The following SUSD4 variants were observed in gnomAD, a reference collection of about 807,000 sequenced individuals.
SUSD4 encodes sushi domain containing 4.
Under a neutral mutation model 50.5 loss-of-function variants are expected in SUSD4, and 41 were observed. The ratio of observed to expected loss-of-function variants is 0.81; its 90% CI spans 0.63 to 1.05. The LOEUF (loss-of-function observed/expected upper bound fraction) is 1.05, where lower values mean the gene tolerates loss of function less well. Among genes scored for constraint, SUSD4 ranks in the 50% least tolerant of loss-of-function variants. The pLI, the probability that SUSD4 is intolerant of heterozygous loss-of-function variation, is 0.00. For missense variants in SUSD4, 580 were observed against 634.7 expected, an observed-to-expected ratio of 0.91 and a Z score of 0.93; for synonymous variants, 257 against 257.3, an observed-to-expected ratio of 1.00 and a Z score of 0.01.
intron 2 of SUSD4, among the ~76,000 whole-genome samples, chr1:223,358,489 A>G (rs552531304): frequency 6.6e-6 from 1 of 152,332 alleles, no homozygotes; most frequent in Admixed American, 6.5e-5. Flanking sequence ...TTCCCATCTA[A>G]AGGCAAGCCT....
intron 2 of SUSD4, among the ~76,000 whole-genome samples, chr1:223,359,341 T>C (rs1327793837): frequency 1.3e-5 from 2 of 152,178 alleles, no homozygotes; most frequent in Non-Finnish European, 2.9e-5. Context: ...TTCTGCTCCC[T>C]GAAGGGTCCA....
At chr1:223,308,398 T>C (rs369819325) in intron 2 of SUSD4, among the ~76,000 whole-genome samples, 4 of 152,124 alleles carry the variant, frequency 2.6e-5, no homozygotes, top group South Asian at 2.1e-4. Context: ...TCCACCATGA[T>C]TGTAAGGTCC....
intron 2 of SUSD4, among the ~76,000 whole-genome samples, chr1:223,337,077 ATC>A (rs1050404400): frequency 9.2e-5 from 14 of 152,240 alleles, no homozygotes; most frequent in African/African-American, 3.4e-4. Flanking sequence ...TATGAGCTGT[ATC>A]TCTCACAGGC....
In SUSD4 at chr1:223,227,939, G is replaced by A. The variant is rs960217783; in HGVS notation, c.917-201C>T. On this transcript the variant is annotated intron_variant, in intron 6 of 8. Transcript: ENST00000366878. The surrounding 1 kb of genome is among the most constrained non-coding windows in gnomAD (Gnocchi z 4.5). ...AGGATCCACCCAACACTAAAAACCT[G>A]TCTCCAGCATGGGCTCTGCCAGGTT... Among the ~76,000 whole-genome samples, 1 of 152,234 alleles carries A rather than the reference G, an allele frequency of 6.6e-6. No homozygotes were observed. Among genetic ancestry groups the A allele is most frequent in the Non-Finnish European group, 1.5e-5 (1 of 68,042 alleles).
intron 5 of SUSD4, among the ~76,000 whole-genome samples, chr1:223,263,051 G>A (rs1662232519): frequency 6.6e-6 from 1 of 152,182 alleles, no homozygotes; most frequent in Non-Finnish European, 1.5e-5. Flanking sequence ...AAGCTTATCA[G>A]AACCTGACTG....
intron 2 of SUSD4, among the ~76,000 whole-genome samples, chr1:223,309,043 T>C (rs1454330686): frequency 6.6e-6 from 1 of 152,178 alleles, no homozygotes; most frequent in Non-Finnish European, 1.5e-5. Context: ...TATAAAAATT[T>C]GGGGAAACAT....
intron 2 of SUSD4, among the ~76,000 whole-genome samples, chr1:223,321,051 C>A (rs1435251996): frequency 2.0e-5 from 3 of 152,162 alleles, no homozygotes; most frequent in African/African-American, 7.2e-5. Flanking sequence ...CTGTCCAGAC[C>A]AAAGAGTCCT....
At chr1:223,240,408 T>C (rs1320474019) in intron 5 of SUSD4, among the ~76,000 whole-genome samples, 2 of 152,190 alleles carry the variant, frequency 1.3e-5, no homozygotes, top group Admixed American at 6.5e-5. Context: ...TTTCTCTCTT[T>C]CTGGTATCTC....
intron 2 of SUSD4, among the ~76,000 whole-genome samples, chr1:223,322,677 CGT>C (rs1666647378): frequency 6.6e-6 from 1 of 151,810 alleles, no homozygotes; most frequent in South Asian, 2.1e-4. Context: ...CATGTAGGTA[CGT>C]GTGTGTGTGC....
intron 3 of SUSD4, among the ~76,000 whole-genome samples, chr1:223,275,511 C>A (rs1289013235): frequency 6.6e-6 from 1 of 152,222 alleles, no homozygotes; most frequent in Non-Finnish European, 1.5e-5. Context: ...ATGCCCTTCT[C>A]ATGGGCTGAT....
chr1:223,336,021 A>G (rs1667436038), intron 2 of SUSD4, among the ~76,000 whole-genome samples: 1 of 152,152 alleles, frequency 6.6e-6, no homozygotes, highest in Non-Finnish European at 1.5e-5. Context: ...AAAAAAAAAA[A>G]GAAAACGTCA....
At chr1:223,350,337 A>G (rs1668287909) in intron 2 of SUSD4, among the ~76,000 whole-genome samples, 1 of 152,212 alleles carries the variant, frequency 6.6e-6, no homozygotes, top group Admixed American at 6.5e-5. Flanking sequence ...TTATTGTTGA[A>G]CAAATGTAAG....
At chr1:223,340,012 C>T (rs749530822) in intron 2 of SUSD4, among the ~76,000 whole-genome samples, 2 of 152,210 alleles carry the variant, frequency 1.3e-5, no homozygotes, top group Non-Finnish European at 2.9e-5. Flanking sequence ...TCCTTAAAGC[C>T]GTCTCCTTTA....
chr1:223,271,434 AT>A (rs1662914887), intron 3 of SUSD4, among the ~76,000 whole-genome samples: 1 of 152,208 alleles, frequency 6.6e-6, no homozygotes, highest in Admixed American at 6.5e-5. Context: ...GTTAGAGGGA[AT>A]TCACAGCTTC....
chr1:223,273,953 G>T (rs1382194400), intron 3 of SUSD4, among the ~76,000 whole-genome samples: 1 of 152,160 alleles, frequency 6.6e-6, no homozygotes, highest in Non-Finnish European at 1.5e-5. Flanking sequence ...CCTGAGTTCT[G>T]TGAGTCTGAG....
At chr1:223,364,700 C>T (rs1669221922), upstream of SUSD4, among the ~76,000 whole-genome samples, 5 of 151,596 alleles carry the variant, frequency 3.3e-5, no homozygotes, top group South Asian at 1.0e-3. The surrounding 1 kb of genome is among the most constrained non-coding windows in gnomAD (Gnocchi z 4.5). Flanking sequence ...GAGCGCTCCG[C>T]CCTAGAACTA....
At chr1:223,350,261 AC>A (rs1668283477) in intron 2 of SUSD4, among the ~76,000 whole-genome samples, 1 of 152,252 alleles carries the variant, frequency 6.6e-6, no homozygotes, top group Non-Finnish European at 1.5e-5. Flanking sequence ...CCGGGACTGT[AC>A]TGTGTTCTTA....
intron 5 of SUSD4, among the ~76,000 whole-genome samples, chr1:223,255,890 C>A (rs1661656083): frequency 6.6e-6 from 1 of 152,158 alleles, no homozygotes; most frequent in South Asian, 2.1e-4. Flanking sequence ...ACGCCTCTGG[C>A]CAGCGGGTTT....
chr1:223,334,048 T>G (rs1667321882), intron 2 of SUSD4, among the ~76,000 whole-genome samples: 1 of 152,258 alleles, frequency 6.6e-6, no homozygotes, highest in Non-Finnish European at 1.5e-5. Context: ...CTTCTCTGCT[T>G]GTCTCAGTCT....
Sources: allele counts gnomAD v4.1 joint callset (sites outside exome capture counted in the v4.1 genomes callset), GRCh38; gene constraint gnomAD v4.1.1; non-coding constraint Gnocchi (gnomAD v3.1); transcripts MANE v1.5; gene names NCBI Gene and HGNC (gene_info 2026-07-23, HGNC 2026-07-21).